TRDN: variants seen among roughly 807,000 people sequenced by gnomAD.
TRDN encodes triadin.
Under a neutral mutation model 149.7 loss-of-function variants are expected in TRDN, and 161 were observed. That is an observed-to-expected ratio of 1.08 (90% CI 0.95 to 1.23). TRDN has a LOEUF of 1.23. TRDN is among the 50% of genes most tolerant of loss of function. TRDN has a pLI of 0.00. For synonymous variants in TRDN, 294 were observed against 250.5 expected (o/e 1.17, Z -1.64); for missense variants, 896 against 823.5 (o/e 1.09, Z -1.08).
intron 23 of TRDN, among the ~76,000 whole-genome samples, chr6:123,328,802 T>C (rs1779559973): frequency 6.6e-6 from 1 of 152,184 alleles, no homozygotes; most frequent in African/African-American, 2.4e-5. Context: ...GTTAATTGCA[T>C]TGAGACTTGT....
chr6:123,393,514 A>G (rs1772595257), intron 13 of TRDN, 110 bp downstream of exon 13: 2 of 923,224 alleles, frequency 2.2e-6, no homozygotes, highest in African/African-American at 3.5e-5. Flanking sequence ...TTTTTTTGCA[A>G]TATCCCAGCA....
intron 19 of TRDN, among the ~76,000 whole-genome samples, chr6:123,368,155 A>T (rs1046648103): frequency 3.3e-5 from 5 of 152,208 alleles, no homozygotes; most frequent in Admixed American, 3.3e-4. Context: ...CATCCTCCAC[A>T]TACCAAGGTG....
chr6:123,566,136 T>A (rs1782283930), intron 2 of TRDN, among the ~76,000 whole-genome samples: 1 of 152,248 alleles, frequency 6.6e-6, no homozygotes, highest in Non-Finnish European at 1.5e-5. Flanking sequence ...ATTATTTGGA[T>A]GTTACATTAA....
chr6:123,502,750 T>C lies in TRDN; in HGVS notation c.793+969A>G, dbSNP rs563092755. 9.1e-6 allele frequency: 9 copies of C among 984,680 alleles called. No homozygotes were observed. In the South Asian group the frequency reaches 3.3e-4, roughly 36 times the overall value. The allele number at this position is 984,680 out of a possible 1,614,324, so 61.0% of individuals were successfully genotyped here. A position where few individuals can be genotyped will look rare whatever the true frequency, so the allele number is the denominator to read the frequency against. ...GAAACCAATTCTTTGATACAGTCCTTAGATAACATTAGTCAAAAGTGCTAC... is the reference window on the plus strand; with the variant it reads ...GAAACCAATTCTTTGATACAGTCCTCAGATAACATTAGTCAAAAGTGCTAC... On this transcript the variant is annotated intron_variant, in intron 8 of 40. Transcript: ENST00000334268.
chr6:123,553,635 C>T (rs1189790555), intron 2 of TRDN, among the ~76,000 whole-genome samples: 1 of 152,152 alleles, frequency 6.6e-6, no homozygotes, highest in South Asian at 2.1e-4. Flanking sequence ...ATTCACAGTT[C>T]CACTTTGCTG....
chr6:123,452,550 C>A (rs191341693), intron 10 of TRDN, among the ~76,000 whole-genome samples: 4 of 151,678 alleles, frequency 2.6e-5, no homozygotes, highest in African/African-American at 7.3e-5. Flanking sequence ...ACCAAGGAGT[C>A]GAAAGACCTC....
Position 123,221,509 on chromosome 6 carries a change from A to G in TRDN, c.2028T>C (p.Asp676=), listed in dbSNP as rs748274993. The G allele has an allele frequency of 6.4e-7, 1 of 1,571,186 alleles. No individual in the cohort carries two copies. The highest frequency in any genetic ancestry group is 8.7e-7 in the Non-Finnish European group (1 of 1,147,104). The change falls in exon 40 of 41, where the codon GAT becomes GAC. Residue 676 remains aspartate, a synonymous_variant. Coordinates refer to ENST00000334268, the MANE Select transcript of TRDN (RefSeq NM_006073.4). ...TACTTTTCTGCTTTGTGGGAGACAC[A>G]TCTTCAGTTCCTTCTAGTGGATAAA... ...ASKKAKEGTE[D]VSPTKQKSPI... is the part of the protein sequence containing the mutation.
chr6:123,529,076 G>A, intron 5 of TRDN: 1 of 1,435,014 alleles, frequency 7.0e-7, no homozygotes, highest in Non-Finnish European at 9.1e-7. Flanking sequence ...TTCTAATATA[G>A]CCAGGTCCAA....
At chr6:123,331,724 A>G (rs1320426124) in intron 23 of TRDN, among the ~76,000 whole-genome samples, 155 bp downstream of exon 23, 2 of 152,052 alleles carry the variant, frequency 1.3e-5, no homozygotes, top group African/African-American at 2.4e-5. Flanking sequence ...TTAGAATTTA[A>G]TGATGGAATA....
At chr6:123,569,322 C>A (rs954705354) in intron 2 of TRDN, among the ~76,000 whole-genome samples, 1 of 152,188 alleles carries the variant, frequency 6.6e-6, no homozygotes, top group Non-Finnish European at 1.5e-5. Context: ...TGGTCTCAAC[C>A]ATTTAACCAG....
chr6:123,363,463 G>T (rs1227308332), intron 20 of TRDN, among the ~76,000 whole-genome samples: 1 of 152,144 alleles, frequency 6.6e-6, no homozygotes, highest in Non-Finnish European at 1.5e-5. Flanking sequence ...CTTTGAAAAG[G>T]ACACTTATTT....
At chr6:123,321,433 T>A (rs1165324506) in intron 23 of TRDN, among the ~76,000 whole-genome samples, 1 of 152,174 alleles carries the variant, frequency 6.6e-6, no homozygotes. Context: ...AACCCATGGT[T>A]TTTCCATCAT....
intron 2 of TRDN, 63 bp downstream of exon 2, chr6:123,570,860 G>T: frequency 6.8e-7 from 1 of 1,478,268 alleles, no homozygotes; most frequent in East Asian, 2.3e-5. Flanking sequence ...GGAACTGGAG[G>T]GGACACTGTT....
chr6:123,562,013 T>C (rs1179521407), intron 2 of TRDN, among the ~76,000 whole-genome samples: 1 of 152,178 alleles, frequency 6.6e-6, no homozygotes. Context: ...AGCCAGTTCC[T>C]GCCTTAACTG....
chr6:123,583,277 A>C (rs1314989421), intron 1 of TRDN, among the ~76,000 whole-genome samples: 2 of 152,010 alleles, frequency 1.3e-5, no homozygotes, highest in African/African-American at 4.8e-5. Context: ...GAGTATGACT[A>C]GACAGAAGAT....
At position 123,316,507 on chromosome 6, in the gene TRDN, C is replaced by T. The variant is rs375364108; in HGVS notation, c.1472-12G>A. The T allele has an allele frequency of 2.2e-4, 346 of 1,608,810 alleles. 1 individual carries two copies. The highest frequency in any genetic ancestry group is 1.0e-3 in the Middle Eastern group (6 of 6,014). ...TTTAGTTTCAGGTTCTGGGGCAAAA[C>T]GTACACATAAACACGTACAAACAAA... On this transcript the variant is annotated splice_polypyrimidine_tract_variant and intron_variant, in intron 23 of 40. Transcript: ENST00000334268.
intron 5 of TRDN, chr6:123,528,805 A>G (rs6940138): frequency 0.64 from 634,614 of 996,874 alleles, 205,085 homozygotes; most frequent in Non-Finnish European, 0.66. Context: ...TCACACAGAA[A>G]AACTGTGGAA....
At chr6:123,591,098 A>G (rs1783756742) in intron 1 of TRDN, among the ~76,000 whole-genome samples, 1 of 152,318 alleles carries the variant, frequency 6.6e-6, no homozygotes, top group Non-Finnish European at 1.5e-5. Context: ...AATTAATGCT[A>G]TTACCACAAT....
At chr6:123,602,724 A>G (rs1784334951) in intron 1 of TRDN, among the ~76,000 whole-genome samples, 1 of 152,046 alleles carries the variant, frequency 6.6e-6, no homozygotes, top group Admixed American at 6.6e-5. Context: ...AAATCATACT[A>G]CTTAGGATAA....
Sources: allele counts gnomAD v4.1 joint callset (sites outside exome capture counted in the v4.1 genomes callset), GRCh38; gene constraint gnomAD v4.1.1; transcripts MANE v1.5; gene names NCBI Gene and HGNC (gene_info 2026-07-23, HGNC 2026-07-21).